SEPSECS: variants seen among roughly 807,000 people sequenced by gnomAD.
The protein encoded by SEPSECS is Sep (O-phosphoserine) tRNA:Sec (selenocysteine) tRNA synthase.
SEPSECS carries 42 observed loss-of-function variants against 52.1 expected under a neutral mutation model. That is an observed-to-expected ratio of 0.81 (90% CI 0.63 to 1.04). The LOEUF is 1.04. Among genes scored for constraint, SEPSECS ranks in the 50% least tolerant of loss-of-function variants. SEPSECS has a pLI of 0.00. For synonymous variants in SEPSECS, 216 were observed against 211.4 expected, an observed-to-expected ratio of 1.02 and a Z score of -0.19; for missense variants, 590 against 610.6, an observed-to-expected ratio of 0.97 and a Z score of 0.36.
At chr4:25,134,389 C>T (rs1463473240) in intron 8 of SEPSECS, among the ~76,000 whole-genome samples, 1 of 151,336 alleles carries the variant, frequency 6.6e-6, no homozygotes, top group Non-Finnish European at 1.5e-5. Context: ...TCCAGAAAGA[C>T]ACTTATTCTA....
intron 8 of SEPSECS, among the ~76,000 whole-genome samples, chr4:25,131,021 A>G (rs2109492899): frequency 6.6e-6 from 1 of 152,214 alleles, no homozygotes; most frequent in East Asian, 1.9e-4. Flanking sequence ...GAGACTTTTC[A>G]CTAGAGATAA....
At chr4:25,132,736 G>A (rs529632836) in intron 8 of SEPSECS, among the ~76,000 whole-genome samples, 21 of 152,184 alleles carry the variant, frequency 1.4e-4, no homozygotes, top group East Asian at 5.8e-4. Flanking sequence ...GAGCTTTTGG[G>A]GTTTTACATA....
At chr4:25,157,531 T>C (rs1299399821) in intron 2 of SEPSECS, among the ~76,000 whole-genome samples, 1 of 151,414 alleles carries the variant, frequency 6.6e-6, no homozygotes, top group Non-Finnish European at 1.5e-5. Context: ...CATGAAATAT[T>C]AAATTATCTT....
rs1322891427 is a variant in SEPSECS, at chr4:25,145,113, T to G, written c.825A>C (p.Ile275=). The change falls in exon 7 of 11, where the codon ATA becomes ATC. Residue 275 remains isoleucine (I), a synonymous_variant. Transcript: ENST00000382103. ...LIQQGARVGR[I]DAFVQSLDKN... ...TGTCCAAGCTCTGAACAAAAGCATCTATTCTACCAACTCGAGCCCCCTGGA... is the reference window on the plus strand; with the variant it reads ...TGTCCAAGCTCTGAACAAAAGCATCGATTCTACCAACTCGAGCCCCCTGGA... 1.5e-5 allele frequency: 24 copies of G among 1,613,816 alleles called. No homozygotes were observed. The highest frequency in any genetic ancestry group is 1.6e-5 in the Non-Finnish European group (19 of 1,179,910).
intron 8 of SEPSECS, among the ~76,000 whole-genome samples, chr4:25,138,094 A>T (rs1387102767): frequency 6.6e-6 from 1 of 152,168 alleles, no homozygotes; most frequent in Non-Finnish European, 1.5e-5. Flanking sequence ...GCATCAGAAA[A>T]AATAGCTAAT....
Position 25,121,240 on chromosome 4 carries a change from G to A in SEPSECS, c.*2691C>T, listed in dbSNP as rs367555067. The A allele has an allele frequency of 3.9e-5, 6 of 152,210 alleles. No homozygotes were observed. The highest frequency in any genetic ancestry group is 2.1e-4 in the South Asian group (1 of 4,826). 9.4% of individuals were successfully genotyped at this position (152,210 alleles called of 1,614,324 possible). ...GCAGAGGACCTAAGAACCAAACTGC[G>A]AGTTTGATTTAAAATTCCCTTCCCT... On this transcript the variant is annotated 3_prime_UTR_variant, in exon 11 of 11. Transcript: ENST00000382103.
intron 8 of SEPSECS, among the ~76,000 whole-genome samples, chr4:25,137,399 G>A (rs1164362877): frequency 6.6e-6 from 1 of 152,054 alleles, no homozygotes; most frequent in African/African-American, 2.4e-5. Flanking sequence ...TAAAAAAGTG[G>A]GCAAAGGACA....
chr4:25,157,420 C>T (rs1712739001), intron 2 of SEPSECS, among the ~76,000 whole-genome samples: 1 of 152,104 alleles, frequency 6.6e-6, no homozygotes. Flanking sequence ...ACTCACCCTG[C>T]TGAGCCCAGT....
chr4:25,125,805 C>T (rs770182946), intron 9 of SEPSECS, 21 bp from the exon 10 acceptor site: 12 of 1,503,626 alleles, frequency 8.0e-6, no homozygotes, highest in Non-Finnish European at 1.1e-5. Context: ...AAAAAGTATC[C>T]TAATAAGCCT....
At chr4:25,140,795 C>T (rs1037174661) in intron 8 of SEPSECS, among the ~76,000 whole-genome samples, 3 of 152,044 alleles carry the variant, frequency 2.0e-5, no homozygotes, top group Admixed American at 6.5e-5. Flanking sequence ...AATGCTCACC[C>T]TACTTGACCT....
chr4:25,160,128 G>T (rs950502720), intron 1 of SEPSECS, 128 bp downstream of exon 1: 9 of 1,482,340 alleles, frequency 6.1e-6, no homozygotes, highest in Non-Finnish European at 8.1e-6. Context: ...GGCAAGCCAA[G>T]CTGAGACAGA....
chr4:25,159,455 G>A, intron 1 of SEPSECS: 1 of 352,726 alleles, frequency 2.8e-6, no homozygotes, highest in Admixed American at 3.8e-5. Flanking sequence ...CGTGGAGAAG[G>A]GCGGTAGTTG....
rs145750797 is a variant in SEPSECS at position 25,140,182 on chromosome 4, C to T, written c.1026+4592G>A. 2.7e-3 allele frequency among the ~76,000 whole-genome samples: 415 copies of T among 152,316 alleles called. 1 individual carries two copies. Among genetic ancestry groups the T allele is most frequent in the African/African-American group, 9.2e-3 (384 of 41,576 alleles). ...AACCAGGCTAGCCAGATCATCTGCC[C>T]ACCATATGAAAGAGGAGGGACACTG... On this transcript the variant is annotated intron_variant, in intron 8 of 10. Transcript: ENST00000382103.
upstream of SEPSECS, chr4:25,160,467 G>A (rs1713010541): frequency 2.0e-6 from 2 of 976,968 alleles, no homozygotes; most frequent in Non-Finnish European, 3.1e-6. Flanking sequence ...GGACGGTACG[G>A]CAGCGCCTTG....
chr4:25,160,094 C>G, intron 1 of SEPSECS, 162 bp downstream of exon 1: 1 of 985,448 alleles, frequency 1.0e-6, no homozygotes, highest in Non-Finnish European at 1.2e-6. Flanking sequence ...GCTGAGAAGG[C>G]ACAGACCGCA....
At chr4:25,140,465 G>A (rs1729015540) in intron 8 of SEPSECS, among the ~76,000 whole-genome samples, 1 of 152,144 alleles carries the variant, frequency 6.6e-6, no homozygotes, top group Non-Finnish European at 1.5e-5. Context: ...TAGAAGTTAA[G>A]ACAGAGAATA....
At chr4:25,132,295 C>G (rs1042450683) in intron 8 of SEPSECS, among the ~76,000 whole-genome samples, 2 of 152,144 alleles carry the variant, frequency 1.3e-5, no homozygotes, top group African/African-American at 2.4e-5. Context: ...TTCTAACATT[C>G]CTTTTTTTAG....
Position 25,158,978 on chromosome 4 carries a change from C to T in SEPSECS, c.244G>A (p.Ala82Thr). The T allele has an allele frequency of 6.2e-7, 1 of 1,613,830 alleles. No individual in the cohort carries two copies. The highest frequency in any genetic ancestry group is 1.1e-5 in the South Asian group (1 of 91,076). The change falls in exon 2 of 11, where the codon GCA (alanine) becomes ACA (threonine). Residue 82 changes from alanine to threonine, a missense_variant. Coordinates refer to ENST00000382103, the MANE Select transcript of SEPSECS (RefSeq NM_016955.4). ...CTGTAATGACGACGAGCAACCAGTG[C>T]GGATGCCACTCTCCCTTCCCTTTCT... ...VGEREGRVAS[A>T]LVARRHYRFI...
In SEPSECS at chr4:25,160,365, T is replaced by C; in HGVS notation, c.5A>G (p.Asn2Ser). The change falls in exon 1 of 11, where the codon AAC becomes AGC. Residue 2 changes from asparagine to serine, a missense_variant. By Grantham distance (46) the Asn-to-Ser change is conservative. Transcript: ENST00000382103. M[N>S]RESFAAGERL... is the part of the protein sequence containing the mutation. Reference sequence around the variant, plus strand: ...CTCTCCCGCCGCGAAGCTCTCGCGGTTCATGACAGCGGTGGCGACAGTGGC... The same window carrying C: ...CTCTCCCGCCGCGAAGCTCTCGCGGCTCATGACAGCGGTGGCGACAGTGGC... 2.6e-6 allele frequency: 4 copies of C among 1,546,816 alleles called. No homozygotes were observed. Among genetic ancestry groups the C allele is most frequent in the Non-Finnish European group, 2.6e-6 (3 of 1,143,906 alleles).
Sources: allele counts gnomAD v4.1 joint callset (sites outside exome capture counted in the v4.1 genomes callset), GRCh38; gene constraint gnomAD v4.1.1; transcripts MANE v1.5; gene names NCBI Gene and HGNC (gene_info 2026-07-23, HGNC 2026-07-21).